LDLRAD4: variants seen among roughly 807,000 people sequenced by gnomAD.
LDLRAD4 encodes low density lipoprotein receptor class A domain containing 4.
LDLRAD4 carries 5 observed loss-of-function variants against 17.0 expected under a neutral mutation model. That is an observed-to-expected ratio of 0.29 (90% CI 0.15 to 0.62). LDLRAD4 has a LOEUF of 0.62. Among genes scored for constraint, LDLRAD4 ranks in the 20% least tolerant of loss-of-function variants. The probability of loss-of-function intolerance (pLI) is 0.84; values close to 1 mark genes in which losing one functional copy is unlikely to be tolerated. For missense variants in LDLRAD4, 340 were observed against 424.7 expected (o/e 0.80, Z 1.75); for synonymous variants, 168 against 171.8 (o/e 0.98, Z 0.17).
chr18:13,347,118 T>C (rs1398816905), intron 1 of LDLRAD4, among the ~76,000 whole-genome samples: 2 of 152,212 alleles, frequency 1.3e-5, no homozygotes, highest in Non-Finnish European at 2.9e-5. Flanking sequence ...GTTATTATGA[T>C]GTTAGCTGGT....
Position 13,248,196 on chromosome 18 carries a change from C to T in LDLRAD4, c.-467+29208C>T, listed in dbSNP as rs934894220. On this transcript the variant is annotated intron_variant, in intron 1 of 5. Coordinates refer to the LDLRAD4 transcript ENST00000399848. ...CAGGCTGTTCTCAAACTCCTGACCT[C>T]GTGATCCGCCTGCCTCGGCCTCCCA... Among the ~76,000 whole-genome samples the T allele has an allele frequency of 8.5e-5, 13 of 152,296 alleles. No individual in the cohort carries two copies. The South Asian group carries it at 1.2e-3, about 15-fold the overall frequency.
At chr18:13,263,784 G>A (rs893618929) in intron 1 of LDLRAD4, among the ~76,000 whole-genome samples, 1 of 152,220 alleles carries the variant, frequency 6.6e-6, no homozygotes, top group Admixed American at 6.5e-5. Context: ...TATGGTTAAA[G>A]TGAGGGAGTC....
chr18:13,308,351 A>T (rs1310752454), intron 1 of LDLRAD4, among the ~76,000 whole-genome samples: 5 of 152,346 alleles, frequency 3.3e-5, no homozygotes, highest in Admixed American at 2.0e-4. Flanking sequence ...ATTATAGACA[A>T]AGTACAATGA....
chr18:13,577,923 A>G (rs2094798944), intron 3 of LDLRAD4, among the ~76,000 whole-genome samples: 1 of 152,190 alleles, frequency 6.6e-6, no homozygotes, highest in African/African-American at 2.4e-5. Context: ...CTCGTGCTAT[A>G]TCTAAAACTC....
At chr18:13,433,708 TG>T (rs74341938) in intron 2 of LDLRAD4, among the ~76,000 whole-genome samples, 13,140 of 152,200 alleles carry the variant, frequency 0.086, 1,154 homozygotes, top group East Asian at 0.33. Flanking sequence ...ATAGCCTTTT[TG>T]TATATAAGTT....
chr18:13,282,868 G>C (rs1402792622), intron 1 of LDLRAD4, among the ~76,000 whole-genome samples: 1 of 152,388 alleles, frequency 6.6e-6, no homozygotes, highest in Middle Eastern at 3.4e-3. Context: ...TTTTGCCTGG[G>C]CATCTAGGCA....
chr18:13,330,386 G>A (rs183442964), intron 1 of LDLRAD4, among the ~76,000 whole-genome samples: 1 of 152,234 alleles, frequency 6.6e-6, no homozygotes, highest in Admixed American at 6.5e-5. Context: ...ATACATTTCA[G>A]AGAGTTGGCA....
intron 2 of LDLRAD4, among the ~76,000 whole-genome samples, chr18:13,409,798 G>T (rs1415560947): frequency 6.6e-6 from 1 of 152,190 alleles, no homozygotes; most frequent in Non-Finnish European, 1.5e-5. Context: ...GGTGAGACCT[G>T]ATACTGGGTG....
At position 13,334,907 on chromosome 18, in the gene LDLRAD4, T is replaced by A. The variant is rs139743148; in HGVS notation, c.-382-52434T>A. ...TTCTGAGAATGGGTTGAATTTTATG[T>A]CATAGCTTTATCTGAAAAGTTTTTA... On this transcript the variant is annotated intron_variant, in intron 1 of 5. Transcript: ENST00000359446. 2.7e-3 allele frequency among the ~76,000 whole-genome samples: 407 copies of A among 152,338 alleles called. 1 individual carries two copies. The highest frequency in any genetic ancestry group is 8.9e-3 in the African/African-American group (371 of 41,586).
intron 3 of LDLRAD4, among the ~76,000 whole-genome samples, chr18:13,602,455 G>T (rs180746218): frequency 1.6e-4 from 24 of 151,520 alleles, no homozygotes; most frequent in African/African-American, 3.9e-4. Flanking sequence ...GGGATGGGGG[G>T]AATTTTATCA....
intron 1 of LDLRAD4, among the ~76,000 whole-genome samples, chr18:13,378,323 C>T (rs1300025222): frequency 1.3e-5 from 2 of 152,138 alleles, no homozygotes; most frequent in Admixed American, 6.5e-5. Flanking sequence ...GCTGCCTCGC[C>T]CGGCAGAGGG....
chr18:13,617,442 T>G (rs189020235), intron 3 of LDLRAD4, among the ~76,000 whole-genome samples: 1 of 152,194 alleles, frequency 6.6e-6, no homozygotes, highest in East Asian at 1.9e-4. Flanking sequence ...CCAAAAATCT[T>G]AGGAAAAAAA....
At chr18:13,405,573 G>C (rs1201607765) in intron 2 of LDLRAD4, among the ~76,000 whole-genome samples, 2 of 151,778 alleles carry the variant, frequency 1.3e-5, no homozygotes, top group Non-Finnish European at 2.9e-5. Flanking sequence ...TGGGACCACA[G>C]GCACAAGCCA....
At chr18:13,343,238 C>A (rs1009248017) in intron 1 of LDLRAD4, among the ~76,000 whole-genome samples, 3 of 110,490 alleles carry the variant, frequency 2.7e-5, no homozygotes. Context: ...CCCCCTCCCC[C>A]CACCCCACAA....
chr18:13,592,257 G>A lies in LDLRAD4; in HGVS notation c.182-28860G>A, dbSNP rs374536213. ...TGACCCACAGTGAGAAATGCATCTT[G>A]CATCATAACCCAATATAAATACACA... On this transcript the variant is annotated intron_variant, in intron 3 of 5. Transcript: ENST00000359446. Among the ~76,000 whole-genome samples the A allele has an allele frequency of 3.9e-5, 6 of 152,280 alleles. No homozygotes were observed. In the South Asian group the frequency reaches 1.2e-3, roughly 32 times the overall value.
At chr18:13,611,533 C>T (rs2039556686) in intron 3 of LDLRAD4, 2 of 985,234 alleles carry the variant, frequency 2.0e-6, no homozygotes, top group Non-Finnish European at 2.4e-6. Flanking sequence ...GTTTAGACCT[C>T]GGGGAAAAGA....
At chr18:13,218,317 G>C (rs1053339226), upstream of LDLRAD4, among the ~76,000 whole-genome samples, 1 of 152,222 alleles carries the variant, frequency 6.6e-6, no homozygotes, top group African/African-American at 2.4e-5. Context: ...GGCACGGCGG[G>C]GATCCGGGGC....
chr18:13,546,332 G>C (rs1319862830), intron 3 of LDLRAD4, among the ~76,000 whole-genome samples: 2 of 152,090 alleles, frequency 1.3e-5, no homozygotes, highest in African/African-American at 4.8e-5. Flanking sequence ...AACTGAAGTG[G>C]CTCAACAATA....
chr18:13,526,536 A>G (rs1482503632), intron 3 of LDLRAD4: 1 of 152,236 alleles, frequency 6.6e-6, no homozygotes, highest in African/African-American at 2.4e-5. Flanking sequence ...TACTTTTTAA[A>G]TAATGGGCAA....
Sources: gnomAD v4.1 joint callset for allele counts (sites outside exome capture counted in the v4.1 genomes callset) on GRCh38, gnomAD v4.1.1 for gene constraint, MANE v1.5 for transcripts, NCBI Gene and HGNC (gene_info 2026-07-23, HGNC 2026-07-21) for gene names.